The following CHRAC1 variants were observed in gnomAD, a reference collection of about 807,000 sequenced individuals.
The protein encoded by CHRAC1 is chromatin accessibility complex protein 1.
Under a neutral mutation model 9.1 loss-of-function variants are expected in CHRAC1, and 6 were observed. That is an observed-to-expected ratio of 0.66 (90% CI 0.36 to 1.29). CHRAC1 has a LOEUF of 1.29. CHRAC1 is among the 50% of genes most tolerant of loss of function. The pLI is 0.03. For synonymous variants in CHRAC1, 73 were observed against 64.5 expected (o/e 1.13, Z -0.63); for missense variants, 168 against 163.5 (o/e 1.03, Z -0.15).
intron 1 of CHRAC1, 170 bp from the exon 2 acceptor site, chr8:140,514,198 GC>G (rs2072310821): frequency 1.5e-6 from 1 of 649,002 alleles, no homozygotes; most frequent in African/African-American, 1.9e-5. Context: ...GAGCCACCAC[GC>G]CTGGCCTCCC....
chr8:140,514,425 A>C lies in CHRAC1; in HGVS notation c.204A>C (p.Glu68Asp). The part of the protein sequence containing the change: ...TYSYRHGSGK[E>D]KKVLTYSDLA... ...CCTACAGACACGGCAGTGGAAAGGA[A>C]AAGAAAGTACTGACTTACAGTGATT... Residue 68 changes from glutamate to aspartate, a missense_variant, in exon 2 of 3, where the codon GAA becomes GAC. Physicochemically the swap from Glu to Asp is conservative, Grantham distance 45. Transcript: ENST00000220913. The C allele has an allele frequency of 3.8e-6, 6 of 1,587,228 alleles. No individual in the cohort carries two copies. Among genetic ancestry groups the C allele is most frequent in the Non-Finnish European group, 5.1e-6 (6 of 1,172,372 alleles).
intron 1 of CHRAC1, 62 bp downstream of exon 1, chr8:140,511,708 C>G: frequency 7.9e-7 from 1 of 1,259,812 alleles, no homozygotes; most frequent in South Asian, 2.8e-5. Flanking sequence ...CCGCCGGGCT[C>G]TGGGCACTGC....
intron 1 of CHRAC1, 103 bp from the exon 2 acceptor site, chr8:140,514,266 C>T (rs1393136876): frequency 7.3e-6 from 9 of 1,238,932 alleles, no homozygotes; most frequent in Non-Finnish European, 1.0e-5. Context: ...TCTTAATATA[C>T]TTTTAAGCCT....
chr8:140,514,461 T>C lies in CHRAC1; in HGVS notation c.240T>C (p.Thr80=). 6.4e-7 allele frequency: 1 copy of C among 1,566,938 alleles called. No individual in the cohort carries two copies. The highest frequency in any genetic ancestry group is 8.6e-7 in the Non-Finnish European group (1 of 1,166,328). ...KVLTYSDLAN[T]AQQSETFQFL... is the part of the protein sequence containing the mutation. ...TGACTTACAGTGATTTAGCAAACAC[T>C]GCACAGCAATCAGAAACTTTTCAGT... Residue 80 remains threonine, a synonymous_variant, in exon 2 of 3, where the codon ACT becomes ACC. Transcript: ENST00000220913.
chr8:140,512,624 A>G (rs1165186018), intron 1 of CHRAC1, among the ~76,000 whole-genome samples: 2 of 152,212 alleles, frequency 1.3e-5, no homozygotes, highest in African/African-American at 4.8e-5. Flanking sequence ...GTAGTTAAGT[A>G]TATGATGTCC....
intron 1 of CHRAC1, chr8:140,512,041 C>T (rs1240020252): frequency 2.5e-5 from 32 of 1,283,250 alleles, no homozygotes; most frequent in Admixed American, 1.6e-4. Flanking sequence ...CTCCCGCGTT[C>T]CTCTGCGCGC....
Position 140,511,788 on chromosome 8 carries a change from C to A in CHRAC1, c.147+142C>A, listed in dbSNP as rs2072278066. On this transcript the variant is annotated intron_variant, in intron 1 of 2. Transcript: ENST00000220913. ...TCGCGCGCGCCCCGCTGTCCCCGTC[C>A]CACGCCGGCGCGCGCTTCGGTGCCC... is the stretch of plus-strand genomic sequence containing the variant. The A allele has an allele frequency of 8.9e-6, 8 of 899,798 alleles. No homozygotes were observed. In the East Asian group the frequency reaches 3.3e-4, roughly 37 times the overall value. The allele number at this position is 899,798 out of a possible 1,614,324, so 55.7% of individuals were successfully genotyped here.
At position 140,515,131 on chromosome 8, in the gene CHRAC1, T is replaced by G; in HGVS notation, c.280T>G (p.Leu94Val). The change falls in exon 3 of 3, where the codon TTA becomes GTA. Residue 94 changes from leucine (L) to valine (V), a missense_variant. Leu to Val is a conservative substitution (Grantham distance 32). Coordinates refer to ENST00000220913, the MANE Select transcript of CHRAC1 (RefSeq NM_017444.6). ...GTACGCTTTATGTTTTTAAGATATA[T>G]TACCAAAGAAGATTTTAGCTAGTAA... ...SETFQFLADI[L>V]PKKILASKYL... 6.2e-7 allele frequency: 1 copy of G among 1,611,682 alleles called. No individual in the cohort carries two copies. Among genetic ancestry groups the G allele is most frequent in the Non-Finnish European group, 8.5e-7 (1 of 1,178,002 alleles).
intron 1 of CHRAC1, 71 bp downstream of exon 1, chr8:140,511,717 G>A (rs970731487): frequency 8.0e-7 from 1 of 1,249,384 alleles, no homozygotes; most frequent in African/African-American, 1.6e-5. Context: ...TCTGGGCACT[G>A]CCCAGTCCCC....
intron 1 of CHRAC1, among the ~76,000 whole-genome samples, chr8:140,512,967 C>T (rs1230388703): frequency 6.6e-6 from 1 of 152,170 alleles, no homozygotes; most frequent in Non-Finnish European, 1.5e-5. Flanking sequence ...CAGGTGCCTG[C>T]CATCACACTC....
At chr8:140,512,282 T>C (rs986033708) in intron 1 of CHRAC1, among the ~76,000 whole-genome samples, 1 of 151,984 alleles carries the variant, frequency 6.6e-6, no homozygotes, top group African/African-American at 2.4e-5. Flanking sequence ...AGCCGGGCGC[T>C]TCACCCGCGA....
chr8:140,515,432 C>T lies in CHRAC1; in HGVS notation c.*185C>T. The T allele has an allele frequency of 2.0e-6, 1 of 494,744 alleles. No homozygotes were observed. Among genetic ancestry groups the T allele is most frequent in the East Asian group, 3.6e-5 (1 of 27,924 alleles). The allele number at this position is 494,744 out of a possible 1,614,324, so 30.6% of individuals were successfully genotyped here. On this transcript the variant is annotated 3_prime_UTR_variant, in exon 3 of 3. Coordinates refer to ENST00000220913, the MANE Select transcript of CHRAC1 (RefSeq NM_017444.6). ...GCACCTCATGTACCTACGCCACAGA[C>T]AGCCAGAGGGAAAGCGACCCAGACA... is the stretch of plus-strand genomic sequence containing the variant.
Position 140,511,613 on chromosome 8 carries a change from C to A in CHRAC1, c.114C>A (p.Asn38Lys), listed in dbSNP as rs775912923. 6.8e-7 allele frequency: 1 copy of A among 1,464,722 alleles called. No individual in the cohort carries two copies. Among genetic ancestry groups the A allele is most frequent in the South Asian group, 1.4e-5 (1 of 70,040 alleles). 90.7% of individuals were successfully genotyped at this position (1,464,722 alleles called of 1,614,324 possible). A position where few individuals can be genotyped will look rare whatever the true frequency, so the allele number is the denominator to read the frequency against. The change falls in exon 1 of 3, where the codon AAC becomes AAA. Residue 38 changes from asparagine (N) to lysine (K), a missense_variant. Physicochemically the swap from Asn to Lys is moderately conservative, Grantham distance 94. Transcript: ENST00000220913. ...GCTCCCCCGAGGTGTCCAGCATCAA[C>A]CAGGAGGCGTTGGTGCTCACGGCCA... Reference protein sequence around the residue: ...MKSSPEVSSINQEALVLTAKA... With the variant: ...MKSSPEVSSIKQEALVLTAKA...
rs1390339504 is a variant in CHRAC1, at chr8:140,511,421, A to T, written c.-79A>T. 2.5e-6 allele frequency: 3 copies of T among 1,215,278 alleles called. No individual in the cohort carries two copies. Among genetic ancestry groups the T allele is most frequent in the African/African-American group, 3.2e-5 (2 of 63,108 alleles). The allele number at this position is 1,215,278 out of a possible 1,614,324, so 75.3% of individuals were successfully genotyped here. A position where few individuals can be genotyped will look rare whatever the true frequency, so the allele number is the denominator to read the frequency against. On this transcript the variant is annotated 5_prime_UTR_variant, in exon 1 of 3. Transcript: ENST00000220913. The stretch of plus-strand genomic sequence containing the variant: ...CGGGGCAGCGGGCGCGGCTCCCCGT[A>T]CCCACCAGCTGGCCGGGCAGGGCAG...
rs949503609 is a variant in CHRAC1, at chr8:140,511,356, C to T, written c.-144C>T. 59 of 682,022 alleles carry T rather than the reference C, an allele frequency of 8.7e-5. No homozygotes were observed. Among genetic ancestry groups the T allele is most frequent in the Non-Finnish European group, 1.1e-4 (52 of 482,620 alleles). The allele number at this position is 682,022 out of a possible 1,614,324, so 42.2% of individuals were successfully genotyped here. ...CTCGTAGTTTCCCGGACGGGCCGCT[C>T]CCGGCCTCGCGGCCTCGCCTCCCCA... is the stretch of plus-strand genomic sequence containing the variant. On this transcript the variant is annotated 5_prime_UTR_variant, in exon 1 of 3. Transcript: ENST00000220913.
Position 140,511,621 on chromosome 8 carries a change from C to T in CHRAC1, c.122C>T (p.Ala41Val), listed in dbSNP as rs774443326. The T allele has an allele frequency of 2.1e-6, 3 of 1,450,458 alleles. No homozygotes were observed. The highest frequency in any genetic ancestry group is 1.5e-5 in the South Asian group (1 of 67,184). 89.8% of individuals were successfully genotyped at this position (1,450,458 alleles called of 1,614,324 possible). The change falls in exon 1 of 3, where the codon GCG becomes GTG. Residue 41 changes from alanine (A) to valine (V), a missense_variant. Coordinates refer to ENST00000220913, the MANE Select transcript of CHRAC1 (RefSeq NM_017444.6). ...GAGGTGTCCAGCATCAACCAGGAGG[C>T]GTTGGTGCTCACGGCCAAGGCCACG... ...SPEVSSINQEALVLTAKATEL... is the reference protein window; with the variant it reads ...SPEVSSINQEVLVLTAKATEL...
chr8:140,513,979 A>C (rs561787361), intron 1 of CHRAC1, among the ~76,000 whole-genome samples: 1 of 131,468 alleles, frequency 7.6e-6, no homozygotes, highest in Non-Finnish European at 1.5e-5. Flanking sequence ...AGAGTGCTGC[A>C]ATCTCCAACC....
rs1422117667 is a variant in CHRAC1, at chr8:140,515,435, C to A, written c.*188C>A. On this transcript the variant is annotated 3_prime_UTR_variant, in exon 3 of 3. Transcript: ENST00000220913. ...CCTCATGTACCTACGCCACAGACAG[C>A]CAGAGGGAAAGCGACCCAGACAGCA... 4.2e-6 allele frequency: 2 copies of A among 479,204 alleles called. No homozygotes were observed. Among genetic ancestry groups the A allele is most frequent in the Non-Finnish European group, 6.9e-6 (2 of 288,392 alleles). 29.7% of individuals were successfully genotyped at this position (479,204 alleles called of 1,614,324 possible).
In CHRAC1 at chr8:140,511,363, T is replaced by A. The variant is rs1213678702; in HGVS notation, c.-137T>A. On this transcript the variant is annotated 5_prime_UTR_variant, in exon 1 of 3. Transcript: ENST00000220913. Reference sequence around the variant, plus strand: ...TTTCCCGGACGGGCCGCTCCCGGCCTCGCGGCCTCGCCTCCCCACACTACA... The same window carrying A: ...TTTCCCGGACGGGCCGCTCCCGGCCACGCGGCCTCGCCTCCCCACACTACA... 1.2e-5 allele frequency: 9 copies of A among 749,186 alleles called. No individual in the cohort carries two copies. Among genetic ancestry groups the A allele is most frequent in the Non-Finnish European group, 1.7e-5 (9 of 543,148 alleles). 46.4% of individuals were successfully genotyped at this position (749,186 alleles called of 1,614,324 possible). A position where few individuals can be genotyped will look rare whatever the true frequency, so the allele number is the denominator to read the frequency against.
Sources: allele counts gnomAD v4.1 joint callset (sites outside exome capture counted in the v4.1 genomes callset), GRCh38; gene constraint gnomAD v4.1.1; transcripts MANE v1.5; gene names NCBI Gene and HGNC (gene_info 2026-07-23, HGNC 2026-07-21).